Variants in CNTN4 observed in about 807,000 individuals in gnomAD.
CNTN4 encodes the protein contactin 4, also known as contactin-4.
CNTN4 carries 77 observed loss-of-function variants against 122.5 expected under a neutral mutation model. The observed-to-expected ratio is 0.63, with a 90% CI of 0.52 to 0.76. The LOEUF is 0.76. Among genes scored for constraint, CNTN4 ranks in the 30% least tolerant of loss-of-function variants. The probability of loss-of-function intolerance (pLI) is 0.00; values close to 1 mark genes in which losing one functional copy is unlikely to be tolerated. For synonymous variants in CNTN4, 512 were observed against 447.0 expected (o/e 1.15, Z -1.83); for missense variants, 1,256 against 1,259.1 (o/e 1.00, Z 0.04).
chr3:2,984,036 A>C (rs144154118), intron 13 of CNTN4, among the ~76,000 whole-genome samples: 47 of 152,314 alleles, frequency 3.1e-4, no homozygotes, highest in African/African-American at 1.0e-3. Flanking sequence ...CCCTAAACCA[A>C]TATCAGGCAC....
At chr3:2,763,045 C>A (rs2090667111) in intron 6 of CNTN4, among the ~76,000 whole-genome samples, 1 of 150,412 alleles carries the variant, frequency 6.6e-6, no homozygotes, top group Non-Finnish European at 1.5e-5. Flanking sequence ...GGGTTCATGC[C>A]ATTCTCCCGC....
intron 3 of CNTN4, among the ~76,000 whole-genome samples, chr3:2,540,085 G>A (rs1037144622): frequency 1.3e-5 from 2 of 151,942 alleles, no homozygotes; most frequent in Non-Finnish European, 2.9e-5. Flanking sequence ...GTGTGTGTGT[G>A]TGTGTGTGTG....
At chr3:2,854,750 A>G (rs1433899041) in intron 7 of CNTN4, among the ~76,000 whole-genome samples, 1 of 152,162 alleles carries the variant, frequency 6.6e-6, no homozygotes, top group African/African-American at 2.4e-5. Flanking sequence ...TATTACTTGA[A>G]AGCTTGCTCA....
At chr3:2,827,756 G>A (rs750343051) in intron 7 of CNTN4, among the ~76,000 whole-genome samples, 4 of 152,098 alleles carry the variant, frequency 2.6e-5, no homozygotes, top group African/African-American at 9.7e-5. Flanking sequence ...TCTATTTAGC[G>A]TGTACAGTAT....
intron 14 of CNTN4, among the ~76,000 whole-genome samples, chr3:3,019,286 ATTAT>A (rs1254504950): frequency 6.6e-6 from 1 of 152,012 alleles, no homozygotes; most frequent in African/African-American, 2.4e-5. Flanking sequence ...CAAAGTACTC[ATTAT>A]TTATTTATTT....
intron 3 of CNTN4, among the ~76,000 whole-genome samples, chr3:2,493,036 A>G (rs186409839): frequency 6.7e-4 from 102 of 152,320 alleles, no homozygotes; most frequent in Middle Eastern, 6.8e-3. Flanking sequence ...GTAGTTCTTA[A>G]AAACAGCTGC....
At chr3:2,683,323 C>T (rs1341121655) in intron 4 of CNTN4, among the ~76,000 whole-genome samples, 1 of 120,436 alleles carries the variant, frequency 8.3e-6, no homozygotes, top group Non-Finnish European at 1.6e-5. Flanking sequence ...CACCTGCACA[C>T]ATGTACACAC....
rs1041507343 is a variant in CNTN4, at chr3:3,056,372, A to G, written c.*152A>G. The G allele has an allele frequency of 1.1e-5, 7 of 646,546 alleles. No homozygotes were observed. The East Asian group carries it at 1.4e-4, about 13-fold the overall frequency. 40.1% of individuals were successfully genotyped at this position (646,546 alleles called of 1,614,324 possible). A position where few individuals can be genotyped will look rare whatever the true frequency, so the allele number is the denominator to read the frequency against. ...TGCTTCTTTAGGAATGGCATTATAC[A>G]GTACTTCCTCAAAGCAAATCTAGCT... is the stretch of plus-strand genomic sequence containing the variant. On this transcript the variant is annotated 3_prime_UTR_variant, in exon 25 of 25. Coordinates refer to ENST00000418658, the MANE Select transcript of CNTN4 (RefSeq NM_175607.3).
At chr3:2,756,164 T>G (rs1175069704) in intron 6 of CNTN4, among the ~76,000 whole-genome samples, 2 of 152,202 alleles carry the variant, frequency 1.3e-5, no homozygotes, top group Non-Finnish European at 2.9e-5. Context: ...TAAGTCAGAA[T>G]CTAATTGACT....
intron 3 of CNTN4, among the ~76,000 whole-genome samples, chr3:2,361,928 A>T (rs1024567087): frequency 1.3e-5 from 2 of 152,212 alleles, no homozygotes; most frequent in Non-Finnish European, 2.9e-5. Context: ...ATTTTAATAT[A>T]GATACATGAT....
chr3:2,805,932 C>T (rs560177869), intron 6 of CNTN4, among the ~76,000 whole-genome samples: 3 of 152,182 alleles, frequency 2.0e-5, no homozygotes, highest in Non-Finnish European at 4.4e-5. Flanking sequence ...GACAGAGTCT[C>T]GCTCTGTCGC....
intron 3 of CNTN4, among the ~76,000 whole-genome samples, chr3:2,540,416 C>T (rs187169973): frequency 5.9e-5 from 9 of 151,712 alleles, no homozygotes; most frequent in African/African-American, 1.2e-4. Flanking sequence ...AGAAAGCGGC[C>T]GACTGAGAGA....
intron 3 of CNTN4, among the ~76,000 whole-genome samples, chr3:2,479,140 T>C (rs1267433796): frequency 6.6e-6 from 1 of 152,178 alleles, no homozygotes; most frequent in Non-Finnish European, 1.5e-5. Flanking sequence ...TAATATTTGT[T>C]TTGTTTCTCC....
intron 3 of CNTN4, among the ~76,000 whole-genome samples, chr3:2,443,496 C>T (rs1052413443): frequency 5.9e-5 from 9 of 152,170 alleles, no homozygotes; most frequent in Non-Finnish European, 8.8e-5. Flanking sequence ...AGTTTCTTAG[C>T]GTTAGTTCTA....
intron 8 of CNTN4, among the ~76,000 whole-genome samples, chr3:2,880,952 C>G (rs2093902044): frequency 6.6e-6 from 1 of 152,126 alleles, no homozygotes; most frequent in Non-Finnish European, 1.5e-5. Context: ...AATGTGCATC[C>G]AGGAGGAAAT....
rs566504514 is a variant in CNTN4 at position 2,281,139 on chromosome 3, A to G, written c.-144-58039A>G. ...TTTCACCTCCTCATTTCTAAAAGCTAATTATTACTAGCTTTTTGTGATTAC... is the reference window on the plus strand; with the variant it reads ...TTTCACCTCCTCATTTCTAAAAGCTGATTATTACTAGCTTTTTGTGATTAC... On this transcript the variant is annotated intron_variant, in intron 2 of 24. Coordinates refer to ENST00000418658, the MANE Select transcript of CNTN4 (RefSeq NM_175607.3). 4.6e-5 allele frequency among the ~76,000 whole-genome samples: 7 copies of G among 152,232 alleles called. No homozygotes were observed. The South Asian group carries it at 8.3e-4, about 18-fold the overall frequency.
At chr3:2,194,204 C>G (rs946664234) in intron 2 of CNTN4, among the ~76,000 whole-genome samples, 1 of 152,030 alleles carries the variant, frequency 6.6e-6, no homozygotes, top group Non-Finnish European at 1.5e-5. Flanking sequence ...TGGTTCATGC[C>G]TGTAATCCCA....
At chr3:2,821,724 A>G (rs2092879221) in intron 7 of CNTN4, among the ~76,000 whole-genome samples, 1 of 152,184 alleles carries the variant, frequency 6.6e-6, no homozygotes, top group South Asian at 2.1e-4. Context: ...GAGGTTTAAT[A>G]AGTAGTAATA....
chr3:2,558,229 C>G (rs1451563147), intron 3 of CNTN4, among the ~76,000 whole-genome samples: 1 of 152,152 alleles, frequency 6.6e-6, no homozygotes, highest in Non-Finnish European at 1.5e-5. Flanking sequence ...GATCACCAAA[C>G]CAGAAAACTG....
Sources: gnomAD v4.1 joint callset for allele counts (sites outside exome capture counted in the v4.1 genomes callset) on GRCh38, gnomAD v4.1.1 for gene constraint, MANE v1.5 for transcripts, NCBI Gene and HGNC (gene_info 2026-07-23, HGNC 2026-07-21) for gene names.